The following CDO1 variants were observed in gnomAD, a reference collection of about 807,000 sequenced individuals.
The protein encoded by CDO1 is cysteine dioxygenase type 1.
CDO1 carries 19 observed loss-of-function variants against 24.5 expected under a neutral mutation model. That is an observed-to-expected ratio of 0.77 (90% CI 0.54 to 1.14). CDO1 has a LOEUF of 1.14. Ranked by LOEUF, CDO1 falls within the 50% of genes most tolerant of loss-of-function variation. CDO1 has a pLI of 0.00. For synonymous variants in CDO1, 91 were observed against 87.0 expected (o/e 1.05, Z -0.26); for missense variants, 244 against 244.8 (o/e 1.00, Z 0.02).
chr5:115,813,856 G>T (rs1260589973), intron 1 of CDO1: 1 of 152,498 alleles, frequency 6.6e-6, no homozygotes, highest in Non-Finnish European at 1.5e-5. Flanking sequence ...ACAATTAGGA[G>T]AAACCAGTAA....
At chr5:115,815,920 G>A (rs1328712891) in intron 1 of CDO1, among the ~76,000 whole-genome samples, 2 of 152,250 alleles carry the variant, frequency 1.3e-5, no homozygotes, top group Non-Finnish European at 2.9e-5. Context: ...TAGAAGCAGA[G>A]GGGTTTGCGG....
At chr5:115,809,980 T>C (rs921030073) in intron 3 of CDO1, among the ~76,000 whole-genome samples, 7 of 152,172 alleles carry the variant, frequency 4.6e-5, no homozygotes, top group African/African-American at 1.4e-4. Flanking sequence ...TGAGATTCTA[T>C]AGGTTTTTGC....
intron 1 of CDO1, among the ~76,000 whole-genome samples, chr5:115,814,121 G>A (rs1204026630): frequency 6.6e-6 from 1 of 151,952 alleles, no homozygotes. Flanking sequence ...CTTCGTCATC[G>A]GTTAACTCTT....
At chr5:115,806,625 G>A (rs969159971) in intron 3 of CDO1, 107 bp from the exon 4 acceptor site, 3 of 771,408 alleles carry the variant, frequency 3.9e-6, no homozygotes, top group South Asian at 1.8e-5. Flanking sequence ...GATGCAAATG[G>A]AATAGATATT....
At chr5:115,816,195 C>A in intron 1 of CDO1, 33 bp downstream of exon 1, 1 of 1,595,504 alleles carries the variant, frequency 6.3e-7, no homozygotes, top group Non-Finnish European at 8.6e-7. Context: ...GGCGAGTGGG[C>A]GCCGCCTGGC....
At position 115,816,599 on chromosome 5, in the gene CDO1, A is replaced by C. The variant is rs1760466010; in HGVS notation, c.-202T>G. The C allele has an allele frequency of 1.7e-6, 1 of 592,348 alleles. No homozygotes were observed. The highest frequency in any genetic ancestry group is 1.9e-5 in the African/African-American group (1 of 53,576). 36.7% of individuals were successfully genotyped at this position (592,348 alleles called of 1,614,324 possible). On this transcript the variant is annotated 5_prime_UTR_variant, in exon 1 of 5. Transcript: ENST00000250535. The stretch of plus-strand genomic sequence containing the variant: ...AGAGACCCACCCCCAGGCCCCTGGC[A>C]GCGCAGTGGATCCGGGATCGCTGGA...
intron 1 of CDO1, 34 bp from the exon 2 acceptor site, chr5:115,813,292 T>C (rs1244238722): frequency 8.3e-6 from 10 of 1,198,200 alleles, no homozygotes; most frequent in Non-Finnish European, 1.2e-5. Context: ...AAGTTTTAAG[T>C]TCGTTGCTGA....
chr5:115,806,061 A>G (rs1479982405), intron 4 of CDO1, among the ~76,000 whole-genome samples: 1 of 152,216 alleles, frequency 6.6e-6, no homozygotes, highest in Non-Finnish European at 1.5e-5. Context: ...ATAGTAAGTC[A>G]TGGCAGTAAC....
At chr5:115,805,549 A>G in intron 4 of CDO1, 87 bp from the exon 5 acceptor site, 1 of 1,294,242 alleles carries the variant, frequency 7.7e-7, no homozygotes, top group Non-Finnish European at 1.1e-6. Flanking sequence ...CTTTTGTAGC[A>G]GTGTATGAAA....
chr5:115,813,118 T>C (rs1022034281), intron 2 of CDO1, 63 bp downstream of exon 2: 9 of 844,612 alleles, frequency 1.1e-5, no homozygotes, highest in East Asian at 2.7e-5. Context: ...AGCCTGGTAC[T>C]ATATTTTTCA....
intron 3 of CDO1, 141 bp downstream of exon 3, chr5:115,811,020 T>C (rs1760163874): frequency 1.2e-6 from 1 of 815,310 alleles, no homozygotes; most frequent in Non-Finnish European, 1.9e-6. Flanking sequence ...CAAAACCTGC[T>C]ATGTTTAAGT....
At chr5:115,806,673 C>T (rs1162194845) in intron 3 of CDO1, among the ~76,000 whole-genome samples, 155 bp from the exon 4 acceptor site, 2 of 152,196 alleles carry the variant, frequency 1.3e-5, no homozygotes, top group African/African-American at 4.8e-5. Context: ...TAGTAAGTGA[C>T]ACGCATGCAT....
At chr5:115,810,495 G>C (rs535695484) in intron 3 of CDO1, among the ~76,000 whole-genome samples, 10 of 152,302 alleles carry the variant, frequency 6.6e-5, no homozygotes, top group African/African-American at 2.4e-4. Flanking sequence ...TGGACAAATT[G>C]TTTAATCTTC....
In CDO1 at chr5:115,816,369, C is replaced by G; in HGVS notation, c.29G>C (p.Arg10Pro). The change falls in exon 1 of 5, where the codon CGG becomes CCG. Residue 10 changes from arginine to proline, a missense_variant. Physicochemically the swap from Arg to Pro is moderately radical, Grantham distance 103 (BLOSUM62 -2). Coordinates refer to ENST00000250535, the MANE Select transcript of CDO1 (RefSeq NM_001801.3). ...GATGCGGATCAGATCAGCCAGGGTC[C>G]GTGGCTTCAGCACTTCGGTCTGTTC... MEQTEVLKP[R>P]TLADLIRILH... 6.2e-7 allele frequency: 1 copy of G among 1,613,700 alleles called. No homozygotes were observed. The highest frequency in any genetic ancestry group is 1.6e-4 in the Middle Eastern group (1 of 6,062).
rs1460269416 is a variant in CDO1 at position 115,811,335 on chromosome 5, C to A, written c.249-20G>T. The A allele has an allele frequency of 6.3e-7, 1 of 1,598,830 alleles. No homozygotes were observed. The highest frequency in any genetic ancestry group is 8.6e-7 in the Non-Finnish European group (1 of 1,169,160). On this transcript the variant is annotated intron_variant, in intron 2 of 4. Transcript: ENST00000250535. The stretch of plus-strand genomic sequence containing the variant: ...ATACTGCTATATGTACACAAAATGA[C>A]AACTGAACTCAGTAGATGGTCTAGT...
rs369943268 is a variant in CDO1, at chr5:115,816,432, C to T, written c.-35G>A. 5 of 1,606,462 alleles carry T rather than the reference C, an allele frequency of 3.1e-6. No individual in the cohort carries two copies. Among genetic ancestry groups the T allele is most frequent in the Non-Finnish European group, 4.2e-6 (5 of 1,178,832 alleles). On this transcript the variant is annotated 5_prime_UTR_variant, in exon 1 of 5. Coordinates refer to ENST00000250535, the MANE Select transcript of CDO1 (RefSeq NM_001801.3). ...AGCTGGCTGCGCGCGCGTCTCACTG[C>T]TGGGCTGCGGTGGAGGAGCTGAGCG...
intron 3 of CDO1, among the ~76,000 whole-genome samples, chr5:115,808,160 G>A (rs1473748603): frequency 1.3e-5 from 2 of 152,006 alleles, no homozygotes; most frequent in African/African-American, 4.8e-5. Flanking sequence ...TGTATTTTTG[G>A]TAGAGATGGG....
intron 3 of CDO1, among the ~76,000 whole-genome samples, chr5:115,807,290 G>A (rs1759988631): frequency 6.6e-6 from 1 of 152,190 alleles, no homozygotes; most frequent in Admixed American, 6.5e-5. Context: ...GTCGCTGGAA[G>A]TTCCTGAAGA....
intron 1 of CDO1, among the ~76,000 whole-genome samples, chr5:115,815,241 T>C (rs983805840): frequency 6.6e-6 from 1 of 152,188 alleles, no homozygotes; most frequent in Non-Finnish European, 1.5e-5. Context: ...CCACAAAGAC[T>C]GACGCACTAA....
Sources: allele counts gnomAD v4.1 joint callset (sites outside exome capture counted in the v4.1 genomes callset), GRCh38; gene constraint gnomAD v4.1.1; transcripts MANE v1.5; gene names NCBI Gene and HGNC (gene_info 2026-07-23, HGNC 2026-07-21).